DLG2: variants seen among roughly 807,000 people sequenced by gnomAD.
The protein encoded by DLG2 is discs large MAGUK scaffold protein 2.
In DLG2, 45 loss-of-function variants were observed where a neutral mutation model predicts 132.5. The observed-to-expected ratio is 0.34, with a 90% confidence interval of 0.27 to 0.44. The LOEUF (loss-of-function observed/expected upper bound fraction) is 0.44. Among genes scored for constraint, DLG2 ranks in the 20% least tolerant of loss-of-function variants. DLG2 has a pLI of 1.00. For synonymous variants in DLG2, 424 were observed against 419.6 expected (o/e 1.01, Z -0.13); for missense variants, 1,045 against 1,196.9 (o/e 0.87, Z 1.87).
At chr11:84,503,301 G>A (rs1236196957) in intron 7 of DLG2, among the ~76,000 whole-genome samples, 1 of 152,172 alleles carries the variant, frequency 6.6e-6, no homozygotes, top group Non-Finnish European at 1.5e-5. Context: ...TAGTTACTAT[G>A]TGTGAAAGAC....
chr11:83,556,940 A>G (rs1039343026), intron 19 of DLG2, among the ~76,000 whole-genome samples: 6 of 152,192 alleles, frequency 3.9e-5, no homozygotes, highest in African/African-American at 1.4e-4. Flanking sequence ...TCAAACCAGC[A>G]AGATCCAGAA....
intron 22 of DLG2, among the ~76,000 whole-genome samples, chr11:83,479,079 TATCA>T (rs1007309969): frequency 3.3e-5 from 5 of 152,114 alleles, no homozygotes; most frequent in African/African-American, 7.2e-5. Flanking sequence ...GAATTTCTTC[TATCA>T]ATCAATCAAT....
intron 7 of DLG2, among the ~76,000 whole-genome samples, chr11:84,330,397 T>C (rs1426185624): frequency 6.6e-6 from 1 of 152,212 alleles, no homozygotes; most frequent in African/African-American, 2.4e-5. Flanking sequence ...TATGTACTCA[T>C]TTTATCCCAG....
chr11:84,847,831 G>A (rs2156515), intron 6 of DLG2, among the ~76,000 whole-genome samples: 6 of 152,042 alleles, frequency 3.9e-5, no homozygotes, highest in Admixed American at 3.9e-4. Context: ...TTTCAAAAAT[G>A]TATGGGTGTG....
At chr11:85,301,399 G>A (rs745622045) in intron 3 of DLG2, among the ~76,000 whole-genome samples, 20 of 152,264 alleles carry the variant, frequency 1.3e-4, no homozygotes, top group Non-Finnish European at 2.5e-4. Context: ...AAGGTGGAAT[G>A]AGAGAATCAA....
chr11:85,253,908 C>T lies in DLG2; in HGVS notation c.186+31312G>A, dbSNP rs113013562. 9.0e-3 allele frequency among the ~76,000 whole-genome samples: 1,369 copies of T among 152,238 alleles called. 23 individuals carry two copies. The highest frequency in any genetic ancestry group is 0.031 in the African/African-American group (1,303 of 41,538). On this transcript the variant is annotated intron_variant, in intron 4 of 27. Coordinates refer to ENST00000376104, the MANE Select transcript of DLG2 (RefSeq NM_001142699.3). ...GCTGGACTCCTCTCTGAATCTACGC[C>T]ATCAATCTGTCCCTCTGAAGTCAAG...
chr11:85,436,192 A>C (rs61008877), intron 3 of DLG2, among the ~76,000 whole-genome samples: 2 of 152,214 alleles, frequency 1.3e-5, no homozygotes, highest in Non-Finnish European at 2.9e-5. Context: ...TCTGAAACCC[A>C]AAACCATAGA....
chr11:84,107,369 G>T (rs1443045839), intron 9 of DLG2, among the ~76,000 whole-genome samples: 1 of 152,006 alleles, frequency 6.6e-6, no homozygotes, highest in Non-Finnish European at 1.5e-5. Flanking sequence ...GACAATTTAG[G>T]ATTTAAACTT....
intron 7 of DLG2, among the ~76,000 whole-genome samples, chr11:84,451,154 A>T (rs2099050496): frequency 6.6e-6 from 1 of 151,788 alleles, no homozygotes; most frequent in African/African-American, 2.4e-5. Context: ...CGAAGGAAAA[A>T]TTTTCATTTG....
At chr11:83,959,017 A>T (rs1030691992) in intron 14 of DLG2, among the ~76,000 whole-genome samples, 5 of 152,154 alleles carry the variant, frequency 3.3e-5, no homozygotes, top group African/African-American at 1.2e-4. Context: ...AAACAATCTC[A>T]GTATTGTTGT....
intron 6 of DLG2, among the ~76,000 whole-genome samples, chr11:85,109,242 G>C (rs2072314593): frequency 6.6e-6 from 1 of 152,062 alleles, no homozygotes; most frequent in Non-Finnish European, 1.5e-5. Context: ...GAAAATATGT[G>C]TTTCACTGGG....
chr11:83,601,805 G>A (rs1349159440), intron 19 of DLG2, among the ~76,000 whole-genome samples: 1 of 152,096 alleles, frequency 6.6e-6, no homozygotes, highest in Non-Finnish European at 1.5e-5. Flanking sequence ...TTACAGGCGT[G>A]AGGCACAGGG....
At chr11:84,714,507 G>C (rs2060803978) in intron 6 of DLG2, among the ~76,000 whole-genome samples, 1 of 151,700 alleles carries the variant, frequency 6.6e-6, no homozygotes, top group Non-Finnish European at 1.5e-5. Context: ...TCTGGAGGCT[G>C]GGAGCCCACA....
chr11:84,952,166 T>C (rs752645838), intron 6 of DLG2, among the ~76,000 whole-genome samples: 3 of 152,210 alleles, frequency 2.0e-5, no homozygotes, highest in Admixed American at 6.5e-5. Flanking sequence ...CCATTAAATA[T>C]ACAAAAGAAA....
intron 5 of DLG2, among the ~76,000 whole-genome samples, chr11:85,120,722 A>T (rs2074202410): frequency 6.6e-6 from 1 of 152,218 alleles, no homozygotes; most frequent in Non-Finnish European, 1.5e-5. Flanking sequence ...TTCATACAAA[A>T]ATCAAAATTC....
At chr11:84,842,554 C>T (rs1322310839) in intron 6 of DLG2, among the ~76,000 whole-genome samples, 1 of 151,940 alleles carries the variant, frequency 6.6e-6, no homozygotes, top group East Asian at 1.9e-4. Flanking sequence ...CTCAAACGCA[C>T]TTTACTTCAT....
In DLG2 at chr11:84,868,057, A is replaced by G. The variant is rs548414189; in HGVS notation, c.357+243604T>C. 6.6e-5 allele frequency among the ~76,000 whole-genome samples: 10 copies of G among 150,734 alleles called. No homozygotes were observed. In the East Asian group the frequency reaches 1.6e-3, roughly 23 times the overall value. ...CCACTGCACTCCAGCCTGGGCAACA[A>G]AGCGAGGTTCCGTCTCAAAATAATA... On this transcript the variant is annotated intron_variant, in intron 6 of 27. Transcript: ENST00000376104.
chr11:85,481,274 T>C (rs1208460243), intron 3 of DLG2, among the ~76,000 whole-genome samples: 1 of 152,138 alleles, frequency 6.6e-6, no homozygotes, highest in Non-Finnish European at 1.5e-5. Context: ...GATAAAAGTG[T>C]TATTGAGTAT....
chr11:84,908,835 T>C (rs2091803132), intron 6 of DLG2, among the ~76,000 whole-genome samples: 1 of 149,604 alleles, frequency 6.7e-6, no homozygotes, highest in South Asian at 2.1e-4. Flanking sequence ...TATAAGCACT[T>C]ATATGCTTTC....
Sources: allele counts gnomAD v4.1 joint callset (sites outside exome capture counted in the v4.1 genomes callset), GRCh38; gene constraint gnomAD v4.1.1; transcripts MANE v1.5; gene names NCBI Gene and HGNC (gene_info 2026-07-23, HGNC 2026-07-21).